The following SLC25A18 variants were observed in gnomAD, a reference collection of about 807,000 sequenced individuals.
The protein encoded by SLC25A18 is mitochondrial glutamate carrier 2.
Under a neutral mutation model 31.1 loss-of-function variants are expected in SLC25A18, and 24 were observed. The ratio of observed to expected loss-of-function variants is 0.77; its 90% CI spans 0.56 to 1.08. The LOEUF (loss-of-function observed/expected upper bound fraction) is 1.08. Ranked by LOEUF, SLC25A18 falls within the 50% of genes least tolerant of loss-of-function variation. The pLI, the probability that SLC25A18 is intolerant of heterozygous loss-of-function variation, is 0.00. For synonymous variants in SLC25A18, 173 were observed against 161.9 expected, an observed-to-expected ratio of 1.07 and a Z score of -0.52; for missense variants, 371 against 418.5, an observed-to-expected ratio of 0.89 and a Z score of 0.99.
At chr22:17,580,777 G>A in intron 3 of SLC25A18, 1 of 1,235,830 alleles carries the variant, frequency 8.1e-7, no homozygotes, top group Non-Finnish European at 1.0e-6. Flanking sequence ...GCCCATGGGG[G>A]CAGAGCTGGG....
At chr22:17,572,727 C>T (rs1267754305) in intron 2 of SLC25A18, among the ~76,000 whole-genome samples, 3 of 140,570 alleles carry the variant, frequency 2.1e-5, no homozygotes, top group Middle Eastern at 3.5e-3. Context: ...CTGCAAGCTC[C>T]GCCTCCCGGG....
intron 3 of SLC25A18, chr22:17,580,197 C>G (rs1298089253): frequency 7.0e-6 from 3 of 431,026 alleles, no homozygotes; most frequent in Non-Finnish European, 1.2e-5. Context: ...TTCATCTTCT[C>G]TAACTACAAA....
At chr22:17,567,741 G>A (rs2056974272) in intron 1 of SLC25A18, among the ~76,000 whole-genome samples, 1 of 138,786 alleles carries the variant, frequency 7.2e-6, no homozygotes, top group African/African-American at 2.7e-5. Context: ...ACCTTTCCAT[G>A]TCTCCAAAAC....
intron 9 of SLC25A18, chr22:17,588,363 C>T: frequency 2.9e-6 from 1 of 343,716 alleles, no homozygotes; most frequent in Non-Finnish European, 5.3e-6. Flanking sequence ...AAATTTGGGG[C>T]TGGCTGGGTG....
chr22:17,581,495 T>A, intron 5 of SLC25A18, 82 bp downstream of exon 5: 1 of 1,511,272 alleles, frequency 6.6e-7, no homozygotes, highest in Non-Finnish European at 9.1e-7. Flanking sequence ...CTTCCGTTGC[T>A]GCGGGGATGG....
rs1278281472 is a variant in SLC25A18, at chr22:17,569,617, G to A, written c.-263-307G>A. On this transcript the variant is annotated intron_variant, in intron 1 of 10. Transcript: ENST00000327451. ...CTGGCTTCCAGGTCTCTGAGTGGGC[G>A]GTGAATCTCCCCTCACCCCCAAGCT... is the stretch of plus-strand genomic sequence containing the variant. 8.1e-6 allele frequency: 8 copies of A among 985,262 alleles called. No homozygotes were observed. The South Asian group carries it at 2.8e-4, about 35-fold the overall frequency. 61.0% of individuals were successfully genotyped at this position (985,262 alleles called of 1,614,324 possible). A position where few individuals can be genotyped will look rare whatever the true frequency, so the allele number is the denominator to read the frequency against.
chr22:17,565,722 C>G (rs1382524939), intron 1 of SLC25A18, among the ~76,000 whole-genome samples: 2 of 151,960 alleles, frequency 1.3e-5, no homozygotes, highest in Non-Finnish European at 2.9e-5. Context: ...ACAAAATTAG[C>G]CGGGCATGAT....
intron 3 of SLC25A18, 179 bp from the exon 4 acceptor site, chr22:17,580,858 G>C: frequency 7.5e-7 from 1 of 1,336,070 alleles, no homozygotes; most frequent in Non-Finnish European, 9.6e-7. Context: ...CCTCACCCGG[G>C]TGAGTGCGGC....
At chr22:17,566,253 T>A (rs1022955089) in intron 1 of SLC25A18, among the ~76,000 whole-genome samples, 15 of 152,250 alleles carry the variant, frequency 9.9e-5, no homozygotes, top group African/African-American at 2.9e-4. Flanking sequence ...ACCTACCCCC[T>A]GCTTCTAACA....
At chr22:17,579,610 A>C (rs976099752) in intron 2 of SLC25A18, 135 bp from the exon 3 acceptor site, 4 of 567,988 alleles carry the variant, frequency 7.0e-6, no homozygotes, top group Non-Finnish European at 9.8e-6. Context: ...CAAAAGTTCG[A>C]GGATTCTGAT....
intron 2 of SLC25A18, among the ~76,000 whole-genome samples, chr22:17,574,938 G>A (rs1264736581): frequency 2.6e-5 from 4 of 151,158 alleles, no homozygotes; most frequent in Admixed American, 6.6e-5. Flanking sequence ...TGCAACCTCC[G>A]CCTCCCAGGT....
chr22:17,573,075 T>C (rs438858), intron 2 of SLC25A18, among the ~76,000 whole-genome samples: 67,777 of 152,006 alleles, frequency 0.45, 16,688 homozygotes, highest in African/African-American at 0.67. Context: ...ATCACGCCAC[T>C]GCACTCTAGC....
At chr22:17,574,830 T>TCTATTATTATTATTATTATTATTA (rs2057190078) in intron 2 of SLC25A18, among the ~76,000 whole-genome samples, 1 of 137,832 alleles carries the variant, frequency 7.3e-6, no homozygotes. Context: ...CAATGTTCCC[T>TCTATTATTATTATTATTATTATTA]TTATTATTAT....
chr22:17,587,857 A>G, intron 8 of SLC25A18, 68 bp from the exon 9 acceptor site: 1 of 1,599,998 alleles, frequency 6.3e-7, no homozygotes, highest in Non-Finnish European at 8.5e-7. Context: ...AGCAAAGCTC[A>G]TTGTCTCACC....
intron 5 of SLC25A18, 95 bp downstream of exon 5, chr22:17,581,508 C>A: frequency 7.5e-7 from 1 of 1,339,786 alleles, no homozygotes; most frequent in Non-Finnish European, 1.1e-6. Flanking sequence ...GGGGATGGGG[C>A]CAGGGCTGCC....
At chr22:17,581,652 A>G (rs973908276) in intron 5 of SLC25A18, 1 of 533,418 alleles carries the variant, frequency 1.9e-6, no homozygotes, top group Non-Finnish European at 3.3e-6. Context: ...AGCCCTCCCT[A>G]CCTGCCTGCC....
intron 1 of SLC25A18, among the ~76,000 whole-genome samples, chr22:17,565,182 G>A (rs1904422910): frequency 1.3e-5 from 2 of 151,958 alleles, no homozygotes; most frequent in South Asian, 4.2e-4. Context: ...CCGGGTTCAC[G>A]CCATTCTCCT....
Position 17,579,910 on chromosome 22 carries a change from C to T in SLC25A18, c.-35C>T. 1 of 1,604,524 alleles carries T rather than the reference C, an allele frequency of 6.2e-7. No individual in the cohort carries two copies. Among genetic ancestry groups the T allele is most frequent in the Non-Finnish European group, 8.5e-7 (1 of 1,176,166 alleles). ...AACAGCGGCTACCCCAAGGAGCCAG[C>T]AGCCTTGTGTCCTGGGATCCCCAGC... On this transcript the variant is annotated 5_prime_UTR_variant, in exon 3 of 11. The change creates a premature stop within an existing upstream ORF in the 5' untranslated region. Coordinates refer to ENST00000327451, the MANE Select transcript of SLC25A18 (RefSeq NM_031481.3).
intron 2 of SLC25A18, 68 bp downstream of exon 2, chr22:17,570,054 A>C: frequency 3.2e-6 from 3 of 945,844 alleles, no homozygotes; most frequent in Non-Finnish European, 3.8e-6. Context: ...CAAATAAACC[A>C]TTGGGGGAAA....
Sources: gnomAD v4.1 joint callset for allele counts (sites outside exome capture counted in the v4.1 genomes callset) on GRCh38, gnomAD v4.1.1 for gene constraint, MANE v1.5 for transcripts, NCBI Gene and HGNC (gene_info 2026-07-23, HGNC 2026-07-21) for gene names.